Variants in SORCS2 observed in about 807,000 individuals in gnomAD.
SORCS2 encodes sortilin related VPS10 domain containing receptor 2.
SORCS2 carries 100 observed loss-of-function variants against 141.6 expected under a neutral mutation model. The ratio of observed to expected loss-of-function variants is 0.71; its 90% CI spans 0.60 to 0.83. The LOEUF (loss-of-function observed/expected upper bound fraction) is 0.83, where lower values mean the gene tolerates loss of function less well. Among genes scored for constraint, SORCS2 ranks in the 40% least tolerant of loss-of-function variants. The pLI is 0.00. For synonymous variants in SORCS2, 789 were observed against 676.9 expected (o/e 1.17, Z -2.57); for missense variants, 1,646 against 1,560.2 (o/e 1.05, Z -0.93).
rs1333204971 is a variant in SORCS2 at position 7,286,264 on chromosome 4, G to C, written c.480+93138G>C. ...CAGCCTCATGGTGTCTCCGTAGAAA[G>C]AAGATAGAGGATGTGGGAGCCTGGC... On this transcript the variant is annotated intron_variant, in intron 1 of 26. Coordinates refer to ENST00000507866, the MANE Select transcript of SORCS2 (RefSeq NM_020777.3). The surrounding 1 kb of genome is among the most constrained non-coding windows in gnomAD (Gnocchi z 4.1). Among the ~76,000 whole-genome samples, 1 of 152,224 alleles carries C rather than the reference G, an allele frequency of 6.6e-6. No homozygotes were observed. Among genetic ancestry groups the C allele is most frequent in the African/African-American group, 2.4e-5 (1 of 41,466 alleles).
At chr4:7,464,349 A>G (rs1729484282) in intron 2 of SORCS2, among the ~76,000 whole-genome samples, 1 of 152,148 alleles carries the variant, frequency 6.6e-6, no homozygotes, top group African/African-American at 2.4e-5. Flanking sequence ...AGGGGGAAAA[A>G]GAATGCACTC....
Position 7,715,572 on chromosome 4 carries a change from C to T in SORCS2, c.2252+261C>T, listed in dbSNP as rs963099738. ...CACAGGGTTCTCCCATCTGAGCCCA[C>T]ATGGGCCAGTGCCAGGAGAAAGCTG... is the stretch of plus-strand genomic sequence containing the variant. On this transcript the variant is annotated intron_variant, in intron 17 of 26. Transcript: ENST00000507866. 1.3e-5 allele frequency among the ~76,000 whole-genome samples: 2 copies of T among 152,242 alleles called. 1 individual carries two copies. Among genetic ancestry groups the T allele is most frequent in the Non-Finnish European group, 2.9e-5 (2 of 68,040 alleles).
chr4:7,325,482 T>C (rs182343313), intron 1 of SORCS2, among the ~76,000 whole-genome samples: 42 of 151,892 alleles, frequency 2.8e-4, no homozygotes, highest in African/African-American at 8.2e-4. Flanking sequence ...AAAGGAGAAA[T>C]TTGGGGAAAA....
At chr4:7,505,171 C>G (rs557644039) in intron 2 of SORCS2, among the ~76,000 whole-genome samples, 3 of 152,156 alleles carry the variant, frequency 2.0e-5, no homozygotes, top group Non-Finnish European at 4.4e-5. Context: ...ATGAGGCTAG[C>G]GTTGTGGCTT....
intron 2 of SORCS2, among the ~76,000 whole-genome samples, chr4:7,475,438 G>A (rs1026508171): frequency 2.6e-5 from 4 of 152,102 alleles, no homozygotes; most frequent in Non-Finnish European, 4.4e-5. Context: ...AGGCTCGGCC[G>A]GCCCCCCGAG....
chr4:7,215,949 G>T (rs57663222), intron 1 of SORCS2, among the ~76,000 whole-genome samples: 1 of 150,836 alleles, frequency 6.6e-6, no homozygotes, highest in Admixed American at 6.6e-5. Flanking sequence ...GCAGGCTGCC[G>T]GAGCCAGCAG....
intron 3 of SORCS2, among the ~76,000 whole-genome samples, chr4:7,602,567 C>T (rs936458749): frequency 6.9e-6 from 1 of 145,020 alleles, no homozygotes; most frequent in Non-Finnish European, 1.5e-5. Context: ...TGGCGGCGGC[C>T]GGGAAGAGGC....
At chr4:7,237,788 C>G (rs1306712519) in intron 1 of SORCS2, among the ~76,000 whole-genome samples, 1 of 151,932 alleles carries the variant, frequency 6.6e-6, no homozygotes, top group Non-Finnish European at 1.5e-5. Flanking sequence ...ACAGGCAGAA[C>G]GATGGGCCCA....
At chr4:7,510,222 G>A (rs1398210862) in intron 2 of SORCS2, among the ~76,000 whole-genome samples, 1 of 152,248 alleles carries the variant, frequency 6.6e-6, no homozygotes, top group African/African-American at 2.4e-5. Flanking sequence ...CCGTCGGGTG[G>A]AGCGGCCGGC....
At chr4:7,370,401 G>A (rs989160724) in intron 1 of SORCS2, among the ~76,000 whole-genome samples, 1 of 152,200 alleles carries the variant, frequency 6.6e-6, no homozygotes, top group East Asian at 1.9e-4. Flanking sequence ...AGGAACAGGA[G>A]GAGAAGTTTG....
intron 12 of SORCS2, among the ~76,000 whole-genome samples, chr4:7,701,606 T>C (rs1307199716): frequency 6.6e-6 from 1 of 152,080 alleles, no homozygotes; most frequent in Non-Finnish European, 1.5e-5. Flanking sequence ...AAAGTTCTGG[T>C]GGGGTTGAGG....
At chr4:7,395,421 CAG>C (rs746322974) in intron 1 of SORCS2, among the ~76,000 whole-genome samples, 3 of 152,212 alleles carry the variant, frequency 2.0e-5, no homozygotes, top group Non-Finnish European at 4.4e-5. Context: ...GAACAGCTAA[CAG>C]GGACTGGCAG....
intron 1 of SORCS2, among the ~76,000 whole-genome samples, chr4:7,204,535 T>C (rs1397161138): frequency 2.0e-5 from 3 of 152,166 alleles, no homozygotes; most frequent in Admixed American, 1.3e-4. Context: ...AGTTTTTGAT[T>C]GAGCCTGAGG....
rs777870038 is a variant in SORCS2, at chr4:7,433,866, G to C, written c.548+37511G>C. 33 of 1,613,822 alleles carry C rather than the reference G, an allele frequency of 2.0e-5. No homozygotes were observed. In the South Asian group the frequency reaches 3.5e-4, roughly 17 times the overall value. On this transcript the variant is annotated intron_variant, in intron 2 of 26. Coordinates refer to ENST00000507866, the MANE Select transcript of SORCS2 (RefSeq NM_020777.3). Reference sequence around the variant, plus strand: ...AGGAGGGGCTGTAGGTGTCCACCAAGATGATGCACTCCTTCGTGATAGAGG... The same window carrying C: ...AGGAGGGGCTGTAGGTGTCCACCAACATGATGCACTCCTTCGTGATAGAGG...
chr4:7,496,479 A>G (rs1246472124), intron 2 of SORCS2, among the ~76,000 whole-genome samples: 24 of 26,028 alleles, frequency 9.2e-4, no homozygotes, highest in African/African-American at 4.5e-3. Flanking sequence ...CCCGTCCCCC[A>G]TCCCCCATCT....
rs114259675 is a variant in SORCS2, at chr4:7,629,043, G to A, written c.649-9285G>A. Among the ~76,000 whole-genome samples, 394 of 152,246 alleles carry A rather than the reference G, an allele frequency of 2.6e-3. 4 individuals carry two copies. Among genetic ancestry groups the A allele is most frequent in the African/African-American group, 8.7e-3 (361 of 41,538 alleles). On this transcript the variant is annotated intron_variant, in intron 3 of 26. Coordinates refer to ENST00000507866, the MANE Select transcript of SORCS2 (RefSeq NM_020777.3). ...GGAGCTACCAGCTGTGGGTTAGGAG[G>A]AGCTGGTCATCTGGAGTTCCCTTCC...
intron 2 of SORCS2, among the ~76,000 whole-genome samples, chr4:7,454,193 AGGT>A: frequency 1.8e-5 from 2 of 110,674 alleles, no homozygotes; most frequent in Non-Finnish European, 1.8e-5. Context: ...TGTTGGGGTC[AGGT>A]GCTGTGTGTT....
chr4:7,493,336 C>T (rs12506309), intron 2 of SORCS2, among the ~76,000 whole-genome samples: 74,581 of 152,070 alleles, frequency 0.49, 21,382 homozygotes, highest in East Asian at 0.86. Flanking sequence ...TGGCGAATCC[C>T]ATGTGGTCTC....
chr4:7,219,738 G>A (rs4689646), intron 1 of SORCS2, among the ~76,000 whole-genome samples: 111,647 of 152,168 alleles, frequency 0.73, 41,136 homozygotes, highest in African/African-American at 0.8. Context: ...CGTGGGGATC[G>A]TGGGAACTAC....
Sources: gnomAD v4.1 joint callset for allele counts (sites outside exome capture counted in the v4.1 genomes callset) on GRCh38, gnomAD v4.1.1 for gene constraint, Gnocchi (gnomAD v3.1) non-coding constraint, MANE v1.5 for transcripts, NCBI Gene and HGNC (gene_info 2026-07-23, HGNC 2026-07-21) for gene names.